MTUS2: variants seen among roughly 807,000 people sequenced by gnomAD.
MTUS2 encodes the protein microtubule associated scaffold protein 2.
Under a neutral mutation model 114.1 loss-of-function variants are expected in MTUS2, and 40 were observed. That is an observed-to-expected ratio of 0.35 (90% CI 0.27 to 0.46). MTUS2 has a LOEUF of 0.46. MTUS2 is among the 20% of genes least tolerant of loss of function. The pLI is 1.00. For synonymous variants in MTUS2, 688 were observed against 672.0 expected (o/e 1.02, Z -0.37); for missense variants, 1,679 against 1,705.4 (o/e 0.98, Z 0.27).
intron 9 of MTUS2, among the ~76,000 whole-genome samples, chr13:29,463,336 G>A (rs1271558948): frequency 6.6e-6 from 1 of 152,206 alleles, no homozygotes; most frequent in Non-Finnish European, 1.5e-5. Context: ...CCCTAAGTTT[G>A]TGGGAATTTG....
chr13:29,282,408 C>G lies in MTUS2; in HGVS notation c.2806+543C>G, dbSNP rs115700829. 3.3e-3 allele frequency among the ~76,000 whole-genome samples: 500 copies of G among 152,332 alleles called. 2 individuals are homozygous for G. Among genetic ancestry groups the G allele is most frequent in the African/African-American group, 0.011 (459 of 41,568 alleles). Reference sequence around the variant, plus strand: ...AGTCCAGCAAAACTGATCCCTGTGCCCCACCTGTGCATACCCACAAAGCTA... The same window carrying G: ...AGTCCAGCAAAACTGATCCCTGTGCGCCACCTGTGCATACCCACAAAGCTA... On this transcript the variant is annotated intron_variant, in intron 6 of 15. Transcript: ENST00000612955.
At chr13:28,909,537 A>T (rs983689094) in intron 2 of MTUS2, among the ~76,000 whole-genome samples, 1 of 152,180 alleles carries the variant, frequency 6.6e-6, no homozygotes, top group African/African-American at 2.4e-5. Context: ...TCTGAAAATA[A>T]TAAGAGTCAT....
intron 7 of MTUS2, among the ~76,000 whole-genome samples, chr13:29,357,001 GC>G (rs1366283679): frequency 3.3e-5 from 5 of 152,166 alleles, no homozygotes; most frequent in Non-Finnish European, 7.3e-5. Context: ...TTGTTCGCTG[GC>G]CCCAGAAGAA....
intron 2 of MTUS2, among the ~76,000 whole-genome samples, chr13:29,016,108 C>T (rs1359012858): frequency 1.3e-5 from 2 of 151,982 alleles, no homozygotes; most frequent in South Asian, 2.1e-4. Context: ...TTTCACCATG[C>T]TTGTCAGGCT....
intron 7 of MTUS2, among the ~76,000 whole-genome samples, chr13:29,344,230 A>G (rs1029757671): frequency 8.0e-5 from 4 of 49,750 alleles, no homozygotes; most frequent in African/African-American, 1.7e-4. Context: ...TGACCTGTCT[A>G]GTGCTGTCAG....
At chr13:28,883,446 A>G (rs750383058) in intron 2 of MTUS2, among the ~76,000 whole-genome samples, 2 of 152,232 alleles carry the variant, frequency 1.3e-5, no homozygotes, top group East Asian at 1.9e-4. Flanking sequence ...CATCCATACC[A>G]TGGAATACTA....
chr13:29,485,464 G>A (rs1881540886), intron 10 of MTUS2, among the ~76,000 whole-genome samples: 1 of 152,200 alleles, frequency 6.6e-6, no homozygotes, highest in African/African-American at 2.4e-5. Flanking sequence ...AAAGAGCGGG[G>A]ATTATTGTGT....
At chr13:29,434,522 T>A (rs1227567405) in intron 8 of MTUS2, among the ~76,000 whole-genome samples, 1 of 152,218 alleles carries the variant, frequency 6.6e-6, no homozygotes, top group African/African-American at 2.4e-5. Context: ...TTATTTGGTA[T>A]ACATTTCCTA....
At chr13:29,305,843 A>T (rs1899425732) in intron 6 of MTUS2, among the ~76,000 whole-genome samples, 1 of 152,182 alleles carries the variant, frequency 6.6e-6, no homozygotes, top group Non-Finnish European at 1.5e-5. Context: ...AAAAGAGAAA[A>T]CTTCAGGCCA....
intron 12 of MTUS2, among the ~76,000 whole-genome samples, chr13:29,494,578 T>C (rs1301571748): frequency 6.6e-6 from 1 of 151,934 alleles, no homozygotes; most frequent in African/African-American, 2.4e-5. Context: ...AGAGTCATTT[T>C]TATAGTCAGT....
At chr13:28,924,248 C>G (rs1881206397) in intron 2 of MTUS2, among the ~76,000 whole-genome samples, 1 of 152,154 alleles carries the variant, frequency 6.6e-6, no homozygotes, top group Non-Finnish European at 1.5e-5. Flanking sequence ...CAGAATCCTG[C>G]TTTGGCTAAC....
chr13:29,399,808 G>A (rs1299050274), intron 8 of MTUS2, among the ~76,000 whole-genome samples: 1 of 152,068 alleles, frequency 6.6e-6, no homozygotes, highest in Non-Finnish European at 1.5e-5. Context: ...AGAACAAATG[G>A]CAAGTAAATG....
chr13:29,491,733 GGCGTGTGGGGTGTGTGTGT>G (rs1882115594), intron 11 of MTUS2, among the ~76,000 whole-genome samples: 1 of 141,626 alleles, frequency 7.1e-6, no homozygotes, highest in Non-Finnish European at 1.5e-5. Context: ...GTGTGTGTGG[GGCGTGTGGGGTGTGTGTGT>G]GCGTGTGGTA....
intron 6 of MTUS2, among the ~76,000 whole-genome samples, chr13:29,323,915 C>A (rs1343541383): frequency 6.6e-6 from 1 of 152,178 alleles, no homozygotes. Context: ...GCTAATCTCA[C>A]ATCCACTGCT....
chr13:28,936,986 ACTG>A (rs1333034974), intron 2 of MTUS2, among the ~76,000 whole-genome samples: 1 of 152,180 alleles, frequency 6.6e-6, no homozygotes, highest in Non-Finnish European at 1.5e-5. Flanking sequence ...CTTAAAGAGA[ACTG>A]CTGGGGTTGT....
intron 5 of MTUS2, among the ~76,000 whole-genome samples, chr13:29,198,687 C>G (rs534657236): frequency 6.6e-6 from 1 of 152,090 alleles, no homozygotes; most frequent in Non-Finnish European, 1.5e-5. Flanking sequence ...GAAATTGATT[C>G]TTCCTATCCA....
chr13:29,297,059 C>G (rs2035177218), intron 6 of MTUS2, among the ~76,000 whole-genome samples: 1 of 151,970 alleles, frequency 6.6e-6, no homozygotes, highest in African/African-American at 2.4e-5. Context: ...ATTTTTTCTT[C>G]TAGTATTTTC....
At chr13:29,491,585 T>G (rs1882091399) in intron 11 of MTUS2, among the ~76,000 whole-genome samples, 1 of 145,234 alleles carries the variant, frequency 6.9e-6, no homozygotes, top group East Asian at 2.1e-4. Context: ...TGTGGGGGTG[T>G]GTGTGACAGG....
chr13:29,202,554 G>A (rs1031120472), intron 5 of MTUS2, among the ~76,000 whole-genome samples: 1 of 152,072 alleles, frequency 6.6e-6, no homozygotes, highest in Admixed American at 6.6e-5. Context: ...CCTTGCTGGC[G>A]AGGAGTTGTG....
Sources: allele counts gnomAD v4.1 joint callset (sites outside exome capture counted in the v4.1 genomes callset), GRCh38; gene constraint gnomAD v4.1.1; transcripts MANE v1.5; gene names NCBI Gene and HGNC (gene_info 2026-07-23, HGNC 2026-07-21).